Variants in PTPRD observed in about 807,000 individuals in gnomAD.
PTPRD encodes the protein protein tyrosine phosphatase receptor type D.
In PTPRD, 34 loss-of-function variants were observed where a neutral mutation model predicts 214.5. The ratio of observed to expected loss-of-function variants is 0.16; its 90% CI spans 0.12 to 0.21. PTPRD has a LOEUF of 0.21. Among genes scored for constraint, PTPRD ranks in the 10% least tolerant of loss-of-function variants. PTPRD has a pLI of 1.00. For synonymous variants in PTPRD, 1,128 were observed against 845.7 expected, an observed-to-expected ratio of 1.33 and a Z score of -5.79; for missense variants, 2,545 against 2,398.7, an observed-to-expected ratio of 1.06 and a Z score of -1.27.
At chr9:8,460,133 T>C (rs2134112607) in intron 33 of PTPRD, 1 of 389,272 alleles carries the variant, frequency 2.6e-6, no homozygotes, top group Non-Finnish European at 4.7e-6. Context: ...TCAATTGTTA[T>C]GAAAAGTGCT....
chr9:10,141,379 A>T (rs1381416497), intron 3 of PTPRD, among the ~76,000 whole-genome samples: 1 of 152,170 alleles, frequency 6.6e-6, no homozygotes, highest in Non-Finnish European at 1.5e-5. Context: ...AATCTCCTTA[A>T]GCTGATAAGC....
At chr9:8,883,073 T>C (rs975481234) in intron 11 of PTPRD, among the ~76,000 whole-genome samples, 2 of 152,132 alleles carry the variant, frequency 1.3e-5, no homozygotes, top group Non-Finnish European at 2.9e-5. Flanking sequence ...TCCTGTCAAA[T>C]GCCTTAATAA....
intron 7 of PTPRD, among the ~76,000 whole-genome samples, chr9:9,587,791 G>A (rs2092245431): frequency 6.6e-6 from 1 of 151,922 alleles, no homozygotes; most frequent in South Asian, 2.1e-4. Flanking sequence ...CTCATATGTG[G>A]GAGCTAAACA....
rs112915079 is a variant in PTPRD at position 8,941,791 on chromosome 9, C to CTTGT, written c.-104+76902_-104+76905dup. On this transcript the variant is annotated intron_variant, in intron 11 of 45. Transcript: ENST00000381196. ...TTAACGTAAAACAGATAATAAAGGT[C>CTTGT]TTGTTTGTTTGTTTGTTTGTTTGTT... 3.1e-4 allele frequency among the ~76,000 whole-genome samples: 47 copies of CTTGT among 150,688 alleles called. 1 individual carries two copies. Among genetic ancestry groups the CTTGT allele is most frequent in the South Asian group, 1.9e-3 (9 of 4,740 alleles).
intron 9 of PTPRD, among the ~76,000 whole-genome samples, chr9:9,355,134 G>A (rs563560931): frequency 6.6e-6 from 1 of 151,670 alleles, no homozygotes; most frequent in Non-Finnish European, 1.5e-5. Context: ...ATACACTTGT[G>A]TTACTATCAC....
At chr9:9,118,176 A>G (rs2099814145) in intron 10 of PTPRD, among the ~76,000 whole-genome samples, 1 of 152,208 alleles carries the variant, frequency 6.6e-6, no homozygotes. Flanking sequence ...GCAGGATTTG[A>G]AAGATGCATA....
intron 5 of PTPRD, among the ~76,000 whole-genome samples, chr9:9,821,272 G>A (rs1160013487): frequency 6.6e-6 from 1 of 152,146 alleles, no homozygotes; most frequent in East Asian, 1.9e-4. Flanking sequence ...TTTGTACCCT[G>A]AAACTTTACT....
chr9:8,717,107 C>T (rs2098445065), intron 12 of PTPRD, among the ~76,000 whole-genome samples: 1 of 152,076 alleles, frequency 6.6e-6, no homozygotes. Flanking sequence ...TGCACCTGTA[C>T]CCCATCCTGG....
chr9:9,733,210 T>C (rs1021532870), intron 7 of PTPRD, among the ~76,000 whole-genome samples: 8 of 152,120 alleles, frequency 5.3e-5, no homozygotes, highest in African/African-American at 1.9e-4. Flanking sequence ...GACTCAAATA[T>C]AAGGAATAAG....
intron 3 of PTPRD, among the ~76,000 whole-genome samples, chr9:10,047,170 T>C (rs291260): frequency 0.39 from 58,981 of 151,732 alleles, 11,841 homozygotes; most frequent in African/African-American, 0.49. Context: ...ATTACAATGT[T>C]TGAAGACTAC....
chr9:8,434,273 G>A (rs1047224714), intron 35 of PTPRD, among the ~76,000 whole-genome samples: 3 of 152,120 alleles, frequency 2.0e-5, no homozygotes, highest in Non-Finnish European at 2.9e-5. Context: ...GAGCCACTGC[G>A]CCCAGCCTAA....
intron 5 of PTPRD, among the ~76,000 whole-genome samples, chr9:9,882,787 C>A (rs1055632428): frequency 6.6e-6 from 1 of 151,710 alleles, no homozygotes; most frequent in African/African-American, 2.4e-5. Flanking sequence ...CCCTCCAAAT[C>A]TCATGTTGAA....
chr9:8,882,605 C>G (rs1313655438), intron 11 of PTPRD, among the ~76,000 whole-genome samples: 1 of 152,062 alleles, frequency 6.6e-6, no homozygotes, highest in Non-Finnish European at 1.5e-5. Flanking sequence ...TTTTAGAGGG[C>G]CATGTGTGGT....
chr9:8,644,457 G>A (rs1321224238), intron 12 of PTPRD, among the ~76,000 whole-genome samples: 1 of 152,184 alleles, frequency 6.6e-6, no homozygotes, highest in African/African-American at 2.4e-5. Context: ...CAACTGGCAA[G>A]GCTAAAAGAG....
chr9:8,915,444 T>C (rs1457172162), intron 11 of PTPRD, among the ~76,000 whole-genome samples: 1 of 152,158 alleles, frequency 6.6e-6, no homozygotes, highest in Non-Finnish European at 1.5e-5. Flanking sequence ...ACTGCATGTA[T>C]TAGTGGGGGT....
chr9:10,265,035 T>G (rs888789978), intron 3 of PTPRD, among the ~76,000 whole-genome samples: 1 of 152,202 alleles, frequency 6.6e-6, no homozygotes, highest in African/African-American at 2.4e-5. Flanking sequence ...CTGTGAGGCC[T>G]TCCCAGTCAT....
chr9:9,349,755 A>G (rs1036113641), intron 9 of PTPRD, among the ~76,000 whole-genome samples: 27 of 147,302 alleles, frequency 1.8e-4, no homozygotes, highest in African/African-American at 7.0e-4. Flanking sequence ...CACCCATCAC[A>G]TGTTTTTTTT....
intron 44 of PTPRD, among the ~76,000 whole-genome samples, chr9:8,323,542 A>G (rs941731316): frequency 1.3e-5 from 2 of 152,184 alleles, no homozygotes; most frequent in East Asian, 1.9e-4. Flanking sequence ...GTTGATTCCA[A>G]TCTTCATGGA....
chr9:9,395,475 G>A (rs2067452375), intron 9 of PTPRD, among the ~76,000 whole-genome samples: 1 of 152,068 alleles, frequency 6.6e-6, no homozygotes, highest in Non-Finnish European at 1.5e-5. Flanking sequence ...ATGCAACCTG[G>A]TTTAAGAAAG....
Sources: gnomAD v4.1 joint callset for allele counts (sites outside exome capture counted in the v4.1 genomes callset) on GRCh38, gnomAD v4.1.1 for gene constraint, MANE v1.5 for transcripts, NCBI Gene and HGNC (gene_info 2026-07-23, HGNC 2026-07-21) for gene names.